The following TENM3 variants were observed in gnomAD, a reference collection of about 807,000 sequenced individuals.
TENM3 encodes the protein teneurin transmembrane protein 3, also known as teneurin-3.
TENM3 carries 63 observed loss-of-function variants against 255.1 expected under a neutral mutation model. The ratio of observed to expected loss-of-function variants is 0.25; its 90% CI spans 0.20 to 0.30. The LOEUF (loss-of-function observed/expected upper bound fraction) is 0.30, where lower values mean the gene tolerates loss of function less well. TENM3 is among the 10% of genes least tolerant of loss of function. TENM3 has a pLI of 1.00. For synonymous variants in TENM3, 1,306 were observed against 1,322.3 expected, an observed-to-expected ratio of 0.99 and a Z score of 0.27; for missense variants, 2,929 against 3,461.1, an observed-to-expected ratio of 0.85 and a Z score of 3.86.
chr4:182,559,728 G>T, intron 3 of TENM3, among the ~76,000 whole-genome samples: 1 of 151,688 alleles, frequency 6.6e-6, no homozygotes, highest in East Asian at 1.9e-4. Context: ...TACACCTCTT[G>T]CTTTTATTGA....
chr4:182,417,242 C>T (rs1770454863), intron 3 of TENM3, among the ~76,000 whole-genome samples: 1 of 152,048 alleles, frequency 6.6e-6, no homozygotes, highest in Admixed American at 6.6e-5. Context: ...TCCCATAGTG[C>T]TGGGATTACA....
chr4:182,252,400 G>A lies in TENM3; in HGVS notation c.-76+8924G>A, dbSNP rs1372380522. On this transcript the variant is annotated intron_variant, in intron 1 of 27. Coordinates refer to ENST00000511685, the MANE Select transcript of TENM3 (RefSeq NM_001080477.4). ...AAATTGCTTTCATGGAGATTTGAAA[G>A]GGAAAAAAATTTAAATAACGATGTG... is the stretch of plus-strand genomic sequence containing the variant. 2.0e-5 allele frequency among the ~76,000 whole-genome samples: 3 copies of A among 152,090 alleles called. 1 individual carries two copies. Among genetic ancestry groups the A allele is most frequent in the Non-Finnish European group, 2.9e-5 (2 of 68,018 alleles).
At chr4:182,674,869 G>A (rs1228289434) in intron 7 of TENM3, among the ~76,000 whole-genome samples, 2 of 150,070 alleles carry the variant, frequency 1.3e-5, no homozygotes, top group African/African-American at 2.5e-5. Flanking sequence ...CCGCGTCTGG[G>A]CTATTTTATT....
At chr4:182,413,617 A>G (rs576590131) in intron 3 of TENM3, among the ~76,000 whole-genome samples, 2 of 76,708 alleles carry the variant, frequency 2.6e-5, no homozygotes, top group East Asian at 4.6e-4. Flanking sequence ...CTCTGTCTCA[A>G]AAAAAAAAAC....
intron 3 of TENM3, among the ~76,000 whole-genome samples, chr4:182,389,538 G>C (rs1006239842): frequency 6.6e-6 from 1 of 152,114 alleles, no homozygotes; most frequent in Non-Finnish European, 1.5e-5. Context: ...GTGGCACAAA[G>C]AAATCTGAAA....
chr4:182,457,535 G>A (rs1466109065), intron 3 of TENM3, among the ~76,000 whole-genome samples: 1 of 144,330 alleles, frequency 6.9e-6, no homozygotes, highest in African/African-American at 2.5e-5. Context: ...ACCCAGACAT[G>A]CAAATACCTA....
At chr4:181,907,398 G>A in the TENM3 span, among the ~76,000 whole-genome samples, 13 of 152,042 alleles carry the variant, frequency 8.6e-5, no homozygotes, top group Non-Finnish European at 1.3e-4. Flanking sequence ...AAAAGAAACT[G>A]GAAATTCAGA....
At chr4:182,604,544 C>T (rs11132137) in intron 4 of TENM3, among the ~76,000 whole-genome samples, 27,233 of 152,072 alleles carry the variant, frequency 0.18, 2,980 homozygotes, top group South Asian at 0.28. Context: ...GCTGAGCAAA[C>T]GCTTAGAATT....
the TENM3 span, among the ~76,000 whole-genome samples, chr4:181,826,935 T>C: frequency 4.6e-5 from 7 of 152,190 alleles, no homozygotes; most frequent in Non-Finnish European, 1.0e-4. Context: ...ATATTCCTCT[T>C]CTTTCCCAGG....
chr4:182,010,151 C>T, the TENM3 span, among the ~76,000 whole-genome samples: 2 of 152,130 alleles, frequency 1.3e-5, no homozygotes, highest in South Asian at 2.1e-4. Flanking sequence ...ATCTTGGCCC[C>T]GCCCCCCAAA....
intron 21 of TENM3, 147 bp downstream of exon 21, chr4:182,753,751 G>A: frequency 1.6e-6 from 1 of 615,140 alleles, no homozygotes. Flanking sequence ...ATGTATCACA[G>A]GAGCTAATAA....
the TENM3 span, among the ~76,000 whole-genome samples, chr4:181,532,346 GGATGTACA>G: frequency 1.4e-3 from 210 of 152,248 alleles, 1 homozygote; most frequent in African/African-American, 4.6e-3. Context: ...TTAGGAAGCA[GGATGTACA>G]GTAGTTGGGT....
chr4:181,823,848 G>A, the TENM3 span, among the ~76,000 whole-genome samples: 1 of 152,040 alleles, frequency 6.6e-6, no homozygotes, highest in Non-Finnish European at 1.5e-5. Context: ...CAGCTTGATA[G>A]GTTTACTGCA....
intron 3 of TENM3, among the ~76,000 whole-genome samples, chr4:182,451,189 C>T (rs887144359): frequency 3.9e-5 from 6 of 152,116 alleles, no homozygotes; most frequent in African/African-American, 1.4e-4. Flanking sequence ...AAGTATTCAG[C>T]AGATTTTTAA....
chr4:181,692,577 G>A, the TENM3 span, among the ~76,000 whole-genome samples: 87 of 152,254 alleles, frequency 5.7e-4, no homozygotes, highest in Non-Finnish European at 1.1e-3. Context: ...TATAAACCAC[G>A]TATTTAGTTT....
At chr4:182,582,880 C>T (rs1044184476) in intron 3 of TENM3, among the ~76,000 whole-genome samples, 16 of 152,248 alleles carry the variant, frequency 1.1e-4, no homozygotes, top group Middle Eastern at 3.4e-3. Context: ...TAATGAGAAT[C>T]GCAGCGATTT....
intron 1 of TENM3, among the ~76,000 whole-genome samples, chr4:182,166,281 G>A (rs1203335823): frequency 1.3e-5 from 2 of 152,258 alleles, no homozygotes; most frequent in Middle Eastern, 3.4e-3. Context: ...TAATGTCATA[G>A]CACCTTTTTC....
At chr4:181,962,693 C>T in the TENM3 span, among the ~76,000 whole-genome samples, 1 of 152,100 alleles carries the variant, frequency 6.6e-6, no homozygotes, top group Non-Finnish European at 1.5e-5. Flanking sequence ...TTTCTTTTTG[C>T]CTCCAAAGTA....
the TENM3 span, among the ~76,000 whole-genome samples, chr4:181,515,050 A>T: frequency 1.3e-5 from 2 of 152,242 alleles, no homozygotes; most frequent in African/African-American, 4.8e-5. Flanking sequence ...TTTTGGTTAA[A>T]GACAATCTTC....
Sources: gnomAD v4.1 joint callset for allele counts (sites outside exome capture counted in the v4.1 genomes callset) on GRCh38, gnomAD v4.1.1 for gene constraint, MANE v1.5 for transcripts, NCBI Gene and HGNC (gene_info 2026-07-23, HGNC 2026-07-21) for gene names.